PHLPP1: variants seen among roughly 807,000 people sequenced by gnomAD.
PHLPP1 encodes the protein PH domain leucine-rich repeat-containing protein phosphatase 1.
A neutral mutation model predicts 117.2 loss-of-function variants in PHLPP1; 42 were observed. That is an observed-to-expected ratio of 0.36 (90% CI 0.28 to 0.46). PHLPP1 has a LOEUF of 0.46. Among genes scored for constraint, PHLPP1 ranks in the 20% least tolerant of loss-of-function variants. The pLI, the probability that PHLPP1 is intolerant of heterozygous loss-of-function variation, is 1.00. For missense variants in PHLPP1, 2,084 were observed against 2,241.9 expected (o/e 0.93, Z 1.42); for synonymous variants, 1,042 against 970.7 (o/e 1.07, Z -1.37).
intron 12 of PHLPP1, among the ~76,000 whole-genome samples, chr18:62,950,358 T>C (rs187026489): frequency 6.6e-6 from 1 of 152,238 alleles, no homozygotes; most frequent in Admixed American, 6.5e-5. Context: ...TATAGGAAGT[T>C]TAAAAAATAA....
chr18:62,970,725 A>G (rs1911026908), intron 14 of PHLPP1, among the ~76,000 whole-genome samples: 1 of 152,150 alleles, frequency 6.6e-6, no homozygotes. Context: ...AGATCACACC[A>G]CTGCACTCCA....
At chr18:62,855,914 T>C (rs1434689593) in intron 3 of PHLPP1, among the ~76,000 whole-genome samples, 1 of 152,218 alleles carries the variant, frequency 6.6e-6, no homozygotes, top group Non-Finnish European at 1.5e-5. Flanking sequence ...TCCAGCAAGA[T>C]GTTTTGAGGG....
chr18:62,877,015 A>G (rs552997613), intron 4 of PHLPP1, among the ~76,000 whole-genome samples: 4 of 152,144 alleles, frequency 2.6e-5, no homozygotes, highest in South Asian at 2.1e-4. Flanking sequence ...TGGGCATAAT[A>G]GAATGAAAGT....
In PHLPP1 at chr18:62,919,985, A is replaced by T. The variant is rs1313040312; in HGVS notation, c.2831A>T (p.Lys944Ile). ...ARLFCNSSLR[K>I]LLAGHNQLAR... ...TTATTTTGTAATAGCAGTCTCCGGAAACTACTGGCAGGACACAACCAGTTG... is the reference window on the plus strand; with the variant it reads ...TTATTTTGTAATAGCAGTCTCCGGATACTACTGGCAGGACACAACCAGTTG... The change falls in exon 10 of 17, where the codon AAA becomes ATA. Residue 944 changes from lysine to isoleucine, a missense_variant. Around this residue, in one of 2 missense-constraint regions of PHLPP1, gnomAD observed 1,365 missense variants for 1,605.9 expected, o/e 0.85. Coordinates refer to ENST00000262719, the MANE Select transcript of PHLPP1 (RefSeq NM_194449.4). 1.2e-6 allele frequency: 2 copies of T among 1,605,440 alleles called. No individual in the cohort carries two copies. The highest frequency in any genetic ancestry group is 3.4e-5 in the Admixed American group (2 of 58,416).
Position 62,767,694 on chromosome 18 carries a change from T to C in PHLPP1, c.1576+50435T>C, listed in dbSNP as rs551722648. ...AAATATTTATATTTGATTGCATTTC[T>C]AAATAGGTAAGTGGGTAACAGCTGT... On this transcript the variant is annotated intron_variant, in intron 1 of 16. Coordinates refer to ENST00000262719, the MANE Select transcript of PHLPP1 (RefSeq NM_194449.4). Among the ~76,000 whole-genome samples the C allele has an allele frequency of 5.3e-5, 8 of 152,348 alleles. No individual in the cohort carries two copies. In the South Asian group the frequency reaches 1.7e-3, roughly 32 times the overall value.
At position 62,766,078 on chromosome 18, in the gene PHLPP1, T is replaced by TATATATATATATATAAA; in HGVS notation, c.1576+48834_1576+48835insAAATATATATATATATA. Among the ~76,000 whole-genome samples the TATATATATATATATAAA allele has an allele frequency of 2.6e-4, 5 of 19,324 alleles. 1 individual carries two copies. Among genetic ancestry groups the TATATATATATATATAAA allele is most frequent in the Non-Finnish European group, 5.5e-4 (5 of 9,082 alleles). 12.7% of individuals were successfully genotyped at this position (19,324 alleles called of 152,430 possible). Reference sequence around the variant, plus strand: ...TCCATCTCAAAAAAAAAAAAAAAAATATATATATATATATATATATATATA... The same window carrying TATATATATATATATAAA: ...TCCATCTCAAAAAAAAAAAAAAAAATATATATATATATATAAAATATATATATATATATATATATATA... On this transcript the variant is annotated intron_variant, in intron 1 of 16. Coordinates refer to ENST00000262719, the MANE Select transcript of PHLPP1 (RefSeq NM_194449.4).
intron 4 of PHLPP1, among the ~76,000 whole-genome samples, chr18:62,865,848 A>G (rs1342972316): frequency 6.6e-6 from 1 of 152,194 alleles, no homozygotes; most frequent in African/African-American, 2.4e-5. Context: ...ACATGGACAC[A>G]TAGAGGGGAA....
At chr18:62,875,829 T>C (rs910454719) in intron 4 of PHLPP1, among the ~76,000 whole-genome samples, 1 of 152,000 alleles carries the variant, frequency 6.6e-6, no homozygotes, top group Non-Finnish European at 1.5e-5. Flanking sequence ...GCCTCCTGCG[T>C]TCAAGTGATT....
chr18:62,939,890 G>A (rs1218676387), intron 10 of PHLPP1, among the ~76,000 whole-genome samples: 1 of 151,844 alleles, frequency 6.6e-6, no homozygotes, highest in African/African-American at 2.4e-5. Flanking sequence ...TCTTTTTAAG[G>A]ATGATTTTAT....
chr18:62,914,943 A>T lies in PHLPP1; in HGVS notation c.2739A>T (p.Val913=). 1 of 1,613,792 alleles carries T rather than the reference A, an allele frequency of 6.2e-7. No homozygotes were observed. Among genetic ancestry groups the T allele is most frequent in the Non-Finnish European group, 8.5e-7 (1 of 1,179,750 alleles). ...RNRLENVPEW[V]CESRKLEVLD... is the part of the protein sequence containing the mutation. ...GCTTAGAAAATGTGCCTGAGTGGGT[A>T]TGTGAAAGCCGAAAGCTAGAAGTTT... Residue 913 remains valine, a synonymous_variant, in exon 9 of 17, where the codon GTA becomes GTT. Transcript: ENST00000262719.
chr18:62,920,897 A>G (rs979126515), intron 10 of PHLPP1, among the ~76,000 whole-genome samples: 11 of 152,190 alleles, frequency 7.2e-5, no homozygotes, highest in African/African-American at 2.7e-4. Flanking sequence ...TATCTTTATC[A>G]TAATTAATTC....
In PHLPP1 at chr18:62,796,262, A is replaced by G. The variant is rs546988011; in HGVS notation, c.1577-33773A>G. On this transcript the variant is annotated intron_variant, in intron 1 of 16. Coordinates refer to ENST00000262719, the MANE Select transcript of PHLPP1 (RefSeq NM_194449.4). ...AAGTATCATTGTGCTTTACAGTTAT[A>G]TTGGCCTATTTAATCCTCACAACAG... is the stretch of plus-strand genomic sequence containing the variant. 1.1e-4 allele frequency among the ~76,000 whole-genome samples: 16 copies of G among 152,306 alleles called. No homozygotes were observed. In the South Asian group the frequency reaches 3.1e-3, roughly 30 times the overall value.
intron 1 of PHLPP1, among the ~76,000 whole-genome samples, chr18:62,811,160 T>C (rs1914103548): frequency 6.6e-6 from 1 of 152,204 alleles, no homozygotes; most frequent in Admixed American, 6.5e-5. Flanking sequence ...AACATGCTTA[T>C]TTTTGCTCAT....
chr18:62,746,767 G>GTATGTGGGT (rs1202624310), intron 1 of PHLPP1, among the ~76,000 whole-genome samples: 10 of 150,034 alleles, frequency 6.7e-5, no homozygotes, highest in African/African-American at 2.5e-4. Context: ...CCTATATATT[G>GTATGTGGGT]TATGTGGGTT....
chr18:62,963,038 G>A (rs1274827534), intron 13 of PHLPP1, among the ~76,000 whole-genome samples: 1 of 152,200 alleles, frequency 6.6e-6, no homozygotes, highest in African/African-American at 2.4e-5. Flanking sequence ...TATTACTTAA[G>A]TTTTGTTTTC....
intron 4 of PHLPP1, among the ~76,000 whole-genome samples, chr18:62,889,967 A>C (rs973174798): frequency 6.6e-6 from 1 of 152,112 alleles, no homozygotes; most frequent in Non-Finnish European, 1.5e-5. Flanking sequence ...GCCCAATGCT[A>C]CCTGGCACTT....
chr18:62,770,845 T>A (rs1277624348), intron 1 of PHLPP1, among the ~76,000 whole-genome samples: 3 of 152,160 alleles, frequency 2.0e-5, no homozygotes, highest in African/African-American at 7.2e-5. Context: ...CTTATACACA[T>A]AGTCTGAAGG....
chr18:62,739,511 G>A (rs916627616), intron 1 of PHLPP1, among the ~76,000 whole-genome samples: 1 of 152,162 alleles, frequency 6.6e-6, no homozygotes, highest in African/African-American at 2.4e-5. Context: ...CTTATGGTTT[G>A]TGTGCTTTAT....
At chr18:62,896,844 G>A (rs1008650355) in intron 6 of PHLPP1, among the ~76,000 whole-genome samples, 7 of 152,118 alleles carry the variant, frequency 4.6e-5, no homozygotes, top group Non-Finnish European at 1.0e-4. Context: ...ATAAAGAATT[G>A]CTTGGCTTCA....
Sources: allele counts gnomAD v4.1 joint callset (sites outside exome capture counted in the v4.1 genomes callset), GRCh38; gene constraint gnomAD v4.1.1; regional missense constraint gnomAD v4.1.1; transcripts MANE v1.5; gene names NCBI Gene and HGNC (gene_info 2026-07-23, HGNC 2026-07-21).